The following CADM2 variants were observed in gnomAD, a reference collection of about 807,000 sequenced individuals.
The protein encoded by CADM2 is cell adhesion molecule 2, also known as immunoglobulin superfamily member 4D.
Under a neutral mutation model 49.8 loss-of-function variants are expected in CADM2, and 12 were observed. The observed-to-expected ratio is 0.24, with a 90% CI of 0.15 to 0.39. The LOEUF (loss-of-function observed/expected upper bound fraction) is 0.39. CADM2 is among the 10% of genes least tolerant of loss of function. The pLI is 1.00. For synonymous variants in CADM2, 214 were observed against 175.4 expected (o/e 1.22, Z -1.74); for missense variants, 378 against 492.3 (o/e 0.77, Z 2.20).
At chr3:85,458,267 C>T (rs1300705460) in intron 1 of CADM2, among the ~76,000 whole-genome samples, 2 of 152,104 alleles carry the variant, frequency 1.3e-5, no homozygotes, top group Non-Finnish European at 2.9e-5. Context: ...CCAGGAAATG[C>T]CTTACACCAT....
At chr3:85,097,821 A>T (rs2037859591) in intron 1 of CADM2, among the ~76,000 whole-genome samples, 1 of 152,180 alleles carries the variant, frequency 6.6e-6, no homozygotes, top group Non-Finnish European at 1.5e-5. Context: ...TCTTTCATTC[A>T]TGTTGACTTT....
intron 1 of CADM2, among the ~76,000 whole-genome samples, chr3:85,212,812 C>T (rs946609053): frequency 8.8e-5 from 9 of 102,540 alleles, no homozygotes; most frequent in African/African-American, 3.0e-4. Flanking sequence ...TCTTTTTCTT[C>T]TCTTTCTTTC....
intron 1 of CADM2, among the ~76,000 whole-genome samples, chr3:85,210,039 A>G (rs1449959145): frequency 6.6e-6 from 1 of 152,228 alleles, no homozygotes; most frequent in Non-Finnish European, 1.5e-5. Flanking sequence ...GAAACATCAG[A>G]TAAGAAAAGT....
At chr3:85,326,733 A>G (rs1013758960) in intron 1 of CADM2, among the ~76,000 whole-genome samples, 3 of 152,190 alleles carry the variant, frequency 2.0e-5, no homozygotes, top group Admixed American at 6.5e-5. Context: ...CACATGGCCT[A>G]CAATCTATTC....
chr3:85,279,512 T>C (rs1484089018), intron 1 of CADM2, among the ~76,000 whole-genome samples: 1 of 151,504 alleles, frequency 6.6e-6, no homozygotes, highest in East Asian at 1.9e-4. Flanking sequence ...ATTTTTGTTA[T>C]ATTTAATTGT....
chr3:85,386,623 C>T (rs555766399), intron 1 of CADM2, among the ~76,000 whole-genome samples: 1 of 152,240 alleles, frequency 6.6e-6, no homozygotes, highest in Admixed American at 6.5e-5. Context: ...GTACTTAAAC[C>T]TTGTTGTGGG....
chr3:85,966,492 T>C (rs1226880081), intron 8 of CADM2, among the ~76,000 whole-genome samples: 1 of 151,702 alleles, frequency 6.6e-6, no homozygotes. Context: ...TTATAACAAT[T>C]CATCACTCCT....
In CADM2 at chr3:85,211,338, G is replaced by C. The variant is rs368161864; in HGVS notation, c.61+251670G>C. Among the ~76,000 whole-genome samples, 274 of 151,826 alleles carry C rather than the reference G, an allele frequency of 1.8e-3. 1 individual carries two copies. The highest frequency in any genetic ancestry group is 6.4e-3 in the African/African-American group (263 of 41,412). On this transcript the variant is annotated intron_variant, in intron 1 of 9. Transcript: ENST00000383699. The stretch of plus-strand genomic sequence containing the variant: ...TTACTTCATTTCTTCTACTAATTTG[G>C]GGTTTGGTTTGTTTTTGCTTTTTGG...
At chr3:85,601,363 G>A (rs1009464575) in intron 1 of CADM2, among the ~76,000 whole-genome samples, 1 of 150,280 alleles carries the variant, frequency 6.7e-6, no homozygotes, top group Non-Finnish European at 1.5e-5. Context: ...ATTTTTATCA[G>A]ATGGGTATTT....
chr3:85,488,804 C>T (rs2039541486), intron 1 of CADM2, among the ~76,000 whole-genome samples: 1 of 152,128 alleles, frequency 6.6e-6, no homozygotes, highest in Admixed American at 6.6e-5. Context: ...GCTGGGATTA[C>T]AGGCGTGAGC....
At position 85,769,502 on chromosome 3, in the gene CADM2, T is replaced by TA. The variant is rs550252981; in HGVS notation, c.89-32545_89-32544insA. On this transcript the variant is annotated intron_variant, in intron 2 of 9. Transcript: ENST00000383699. ...ACACGTATATACATATATACATATA[T>TA]GTATATATACACGTATATACATATA... Among the ~76,000 whole-genome samples the TA allele has an allele frequency of 3.1e-4, 12 of 38,464 alleles. 1 individual carries two copies. The highest frequency in any genetic ancestry group is 1.1e-3 in the East Asian group (1 of 940). 25.2% of individuals were successfully genotyped at this position (38,464 alleles called of 152,430 possible). A position where few individuals can be genotyped will look rare whatever the true frequency, so the allele number is the denominator to read the frequency against.
At chr3:85,854,107 T>TA (rs2075212596) in intron 3 of CADM2, among the ~76,000 whole-genome samples, 1 of 152,078 alleles carries the variant, frequency 6.6e-6, no homozygotes, top group Admixed American at 6.6e-5. Flanking sequence ...TAAACTTTTT[T>TA]AAAAACTAAA....
intron 3 of CADM2, among the ~76,000 whole-genome samples, chr3:85,815,629 A>C (rs1473813560): frequency 6.6e-6 from 1 of 152,212 alleles, no homozygotes; most frequent in Non-Finnish European, 1.5e-5. Context: ...ACAAACCCAC[A>C]GCCAATGTCA....
At chr3:86,009,146 G>T (rs1050713463) in intron 8 of CADM2, among the ~76,000 whole-genome samples, 19 of 141,694 alleles carry the variant, frequency 1.3e-4, no homozygotes, top group African/African-American at 4.6e-4. Flanking sequence ...TATATATATA[G>T]ATATATATAT....
intron 3 of CADM2, among the ~76,000 whole-genome samples, chr3:85,810,782 C>T (rs149059556): frequency 3.3e-5 from 5 of 152,172 alleles, no homozygotes; most frequent in East Asian, 3.9e-4. Context: ...TCAAGAGATC[C>T]GCCTGCCTCA....
intron 1 of CADM2, among the ~76,000 whole-genome samples, chr3:85,334,421 G>C (rs182306490): frequency 8.6e-5 from 13 of 151,470 alleles, no homozygotes; most frequent in Non-Finnish European, 1.5e-4. Flanking sequence ...GACAGCCGTC[G>C]CCAGCTCAGG....
In CADM2 at chr3:85,684,547, T is replaced by C. The variant is rs965810115; in HGVS notation, c.62-41975T>C. On this transcript the variant is annotated intron_variant, in intron 1 of 9. Transcript: ENST00000383699. ...TAGGGTCTTGTGTATTAGTTCATTT[T>C]CATGCTGCTGGTAAAGACATACCCG... Among the ~76,000 whole-genome samples, 27 of 152,188 alleles carry C rather than the reference T, an allele frequency of 1.8e-4. 1 individual carries two copies. The highest frequency in any genetic ancestry group is 2.6e-4 in the Admixed American group (4 of 15,276).
chr3:85,873,651 G>A (rs1025329764), intron 3 of CADM2, among the ~76,000 whole-genome samples: 1 of 152,086 alleles, frequency 6.6e-6, no homozygotes, highest in Non-Finnish European at 1.5e-5. Context: ...GGGTGACAGA[G>A]TGAGTGAAAT....
chr3:85,251,013 GT>G (rs2042760354), intron 1 of CADM2, among the ~76,000 whole-genome samples: 1 of 151,464 alleles, frequency 6.6e-6, no homozygotes, highest in South Asian at 2.1e-4. Flanking sequence ...CCTTGTTCTA[GT>G]TTTTTTCTAA....
Sources: allele counts gnomAD v4.1 joint callset (sites outside exome capture counted in the v4.1 genomes callset), GRCh38; gene constraint gnomAD v4.1.1; transcripts MANE v1.5; gene names NCBI Gene and HGNC (gene_info 2026-07-23, HGNC 2026-07-21).